LRFN5: variants seen among roughly 807,000 people sequenced by gnomAD.
LRFN5 encodes leucine rich repeat and fibronectin type III domain containing 5.
A neutral mutation model predicts 45.6 loss-of-function variants in LRFN5; 24 were observed. That is an observed-to-expected ratio of 0.53 (90% CI 0.38 to 0.74). LRFN5 has a LOEUF of 0.74. LRFN5 is among the 30% of genes least tolerant of loss of function. LRFN5 has a pLI of 0.00. For missense variants in LRFN5, 776 were observed against 861.5 expected, an observed-to-expected ratio of 0.90 and a Z score of 1.24; for synonymous variants, 340 against 313.8, an observed-to-expected ratio of 1.08 and a Z score of -0.88.
At chr14:41,850,532 C>T (rs1469210397) in intron 2 of LRFN5, among the ~76,000 whole-genome samples, 4 of 151,780 alleles carry the variant, frequency 2.6e-5, no homozygotes, top group African/African-American at 9.7e-5. Context: ...TATTATGGGA[C>T]TACATACCAC....
chr14:41,646,299 T>G (rs1879816900), intron 1 of LRFN5, among the ~76,000 whole-genome samples: 1 of 152,212 alleles, frequency 6.6e-6, no homozygotes, highest in South Asian at 2.1e-4. Flanking sequence ...TCATGTATAT[T>G]TGTCTTTGTT....
At chr14:41,888,581 G>C (rs1014473672) in intron 3 of LRFN5, among the ~76,000 whole-genome samples, 1 of 152,070 alleles carries the variant, frequency 6.6e-6, no homozygotes, top group African/African-American at 2.4e-5. Flanking sequence ...TCAAAAATAG[G>C]ATGTAACTAT....
intron 1 of LRFN5, among the ~76,000 whole-genome samples, chr14:41,617,386 A>G (rs1351003512): frequency 2.0e-5 from 3 of 152,148 alleles, no homozygotes; most frequent in Non-Finnish European, 2.9e-5. Flanking sequence ...TAGGGCTAAA[A>G]TTAAAATCCA....
intron 2 of LRFN5, among the ~76,000 whole-genome samples, chr14:41,859,156 C>G (rs1266260228): frequency 6.6e-6 from 1 of 152,170 alleles, no homozygotes; most frequent in Non-Finnish European, 1.5e-5. Context: ...AACAAGCTGA[C>G]ATCATTCCTG....
intron 1 of LRFN5, among the ~76,000 whole-genome samples, chr14:41,730,220 T>G (rs1435483344): frequency 6.6e-6 from 1 of 152,042 alleles, no homozygotes; most frequent in Non-Finnish European, 1.5e-5. Context: ...GTCTTCTAAT[T>G]TTCACCTTGT....
At chr14:41,875,293 T>C (rs1468503111) in intron 2 of LRFN5, among the ~76,000 whole-genome samples, 1 of 152,278 alleles carries the variant, frequency 6.6e-6, no homozygotes, top group Non-Finnish European at 1.5e-5. Context: ...CATTGCCACC[T>C]GCGCCAGCTG....
intron 1 of LRFN5, among the ~76,000 whole-genome samples, chr14:41,763,476 T>C (rs1047239076): frequency 3.9e-5 from 6 of 152,108 alleles, no homozygotes; most frequent in Admixed American, 3.9e-4. Flanking sequence ...TCTTTCTGAG[T>C]TTAGTATTGG....
intron 1 of LRFN5, among the ~76,000 whole-genome samples, chr14:41,676,330 C>T (rs1881627478): frequency 6.6e-6 from 1 of 152,176 alleles, no homozygotes; most frequent in South Asian, 2.1e-4. Context: ...TTGAGAAAAG[C>T]AGCAGTGGCC....
chr14:41,760,655 C>T (rs896015862), intron 1 of LRFN5, among the ~76,000 whole-genome samples: 1 of 150,908 alleles, frequency 6.6e-6, no homozygotes, highest in Non-Finnish European at 1.5e-5. Flanking sequence ...TCTGATTTAA[C>T]ATGCAAAGGA....
intron 2 of LRFN5, among the ~76,000 whole-genome samples, chr14:41,777,952 T>C (rs1294790649): frequency 6.9e-6 from 1 of 145,798 alleles, no homozygotes; most frequent in Non-Finnish European, 1.5e-5. Flanking sequence ...CTTCACAACT[T>C]ACATTGCAGA....
intron 1 of LRFN5, among the ~76,000 whole-genome samples, chr14:41,670,296 T>G (rs1478916528): frequency 1.9e-5 from 1 of 52,692 alleles, no homozygotes; most frequent in Non-Finnish European, 3.4e-5. Flanking sequence ...TATATATATA[T>G]ATATATATAC....
chr14:41,650,266 C>CACACACACACAAAAAA (rs1247683262), intron 1 of LRFN5, among the ~76,000 whole-genome samples: 6 of 135,524 alleles, frequency 4.4e-5, no homozygotes, highest in African/African-American at 1.4e-4. Flanking sequence ...CACACACACA[C>CACACACACACAAAAAA]AAAAAAAAAA....
chr14:41,799,141 G>C (rs1253815319), intron 2 of LRFN5, among the ~76,000 whole-genome samples: 2 of 151,974 alleles, frequency 1.3e-5, no homozygotes, highest in Non-Finnish European at 2.9e-5. Context: ...TTATTGACTA[G>C]TGAACTTAGC....
intron 2 of LRFN5, among the ~76,000 whole-genome samples, chr14:41,809,180 A>G (rs777611906): frequency 7.9e-5 from 12 of 152,064 alleles, no homozygotes; most frequent in Non-Finnish European, 1.6e-4. Context: ...GGCTAATTCA[A>G]CTAGGTAATG....
intron 1 of LRFN5, among the ~76,000 whole-genome samples, chr14:41,761,670 A>G (rs575851128): frequency 4.6e-5 from 7 of 152,140 alleles, no homozygotes; most frequent in African/African-American, 1.4e-4. Flanking sequence ...GATGTGCCAA[A>G]GTTGTCTTCA....
chr14:41,849,242 A>G (rs997555602), intron 2 of LRFN5, among the ~76,000 whole-genome samples: 4 of 151,904 alleles, frequency 2.6e-5, no homozygotes, highest in African/African-American at 9.7e-5. Flanking sequence ...ATTCCCCAAA[A>G]ATCTAGCTAC....
intron 1 of LRFN5, among the ~76,000 whole-genome samples, chr14:41,688,465 A>G (rs1882218645): frequency 6.6e-6 from 1 of 151,982 alleles, no homozygotes; most frequent in Admixed American, 6.6e-5. Context: ...AAAATAAAAA[A>G]TTTAAAAATA....
At position 41,903,887 on chromosome 14, in the gene LRFN5, A is replaced by G. The variant is rs17112393; in HGVS notation, c.2143-271A>G. Among the ~76,000 whole-genome samples the G allele has an allele frequency of 5.2e-3, 797 of 152,184 alleles. 9 individuals carry two copies. The highest frequency in any genetic ancestry group is 0.02 in the Admixed American group (306 of 15,250). On this transcript the variant is annotated intron_variant, in intron 5 of 5. Coordinates refer to ENST00000298119, the MANE Select transcript of LRFN5 (RefSeq NM_152447.5). The stretch of plus-strand genomic sequence containing the variant: ...TTTTACAATGTAGCTTTGACTTTAC[A>G]TAATTATCTAGGCTTCATATACTTA...
At chr14:41,699,869 G>A (rs1364846013) in intron 1 of LRFN5, 3 of 152,052 alleles carry the variant, frequency 2.0e-5, no homozygotes, top group Non-Finnish European at 4.4e-5. Flanking sequence ...GGGAGAAAAA[G>A]ACCATTTTTT....
Sources: gnomAD v4.1 joint callset for allele counts (sites outside exome capture counted in the v4.1 genomes callset) on GRCh38, gnomAD v4.1.1 for gene constraint, MANE v1.5 for transcripts, NCBI Gene and HGNC (gene_info 2026-07-23, HGNC 2026-07-21) for gene names.